The following ADCY8 variants were observed in gnomAD, a reference collection of about 807,000 sequenced individuals.
ADCY8 encodes the protein adenylate cyclase 8, also known as adenylate cyclase type 8.
A neutral mutation model predicts 119.7 loss-of-function variants in ADCY8; 51 were observed. That is an observed-to-expected ratio of 0.43 (90% CI 0.34 to 0.54). The LOEUF is 0.54. ADCY8 is among the 20% of genes least tolerant of loss of function. ADCY8 has a pLI of 0.03. For synonymous variants in ADCY8, 665 were observed against 651.0 expected (o/e 1.02, Z -0.33); for missense variants, 1,383 against 1,598.8 (o/e 0.87, Z 2.30).
chr8:130,839,497 G>T lies in ADCY8; in HGVS notation c.2503-3048C>A, dbSNP rs187346603. ...GCTTTTTATACCTTGAGTGAATAGTGGGGGGTGGGACCAGGAAATGGGAGA... is the reference window on the plus strand; with the variant it reads ...GCTTTTTATACCTTGAGTGAATAGTTGGGGGTGGGACCAGGAAATGGGAGA... On this transcript the variant is annotated intron_variant, in intron 11 of 17. Coordinates refer to ENST00000286355, the MANE Select transcript of ADCY8 (RefSeq NM_001115.3). Among the ~76,000 whole-genome samples the T allele has an allele frequency of 7.1e-5, 10 of 139,892 alleles. 3 individuals are homozygous for T. The highest frequency in any genetic ancestry group is 3.5e-3 in the Middle Eastern group (1 of 282). The allele number at this position is 139,892 out of a possible 152,430, so 91.8% of individuals were successfully genotyped here.
chr8:130,967,200 C>T (rs1369550742), intron 2 of ADCY8, among the ~76,000 whole-genome samples: 1 of 152,198 alleles, frequency 6.6e-6, no homozygotes, highest in Admixed American at 6.5e-5. Context: ...GAAGCTGTTG[C>T]TTAATTGGCT....
intron 9 of ADCY8, among the ~76,000 whole-genome samples, chr8:130,853,106 G>A (rs1296689465): frequency 6.6e-6 from 1 of 152,214 alleles, no homozygotes; most frequent in East Asian, 1.9e-4. Flanking sequence ...GTGCTCAGTG[G>A]ACCTCATTTT....
intron 5 of ADCY8, among the ~76,000 whole-genome samples, chr8:130,932,874 T>G (rs1254400879): frequency 1.3e-5 from 2 of 152,178 alleles, no homozygotes. Context: ...CTATCACATG[T>G]TTGGAATGAT....
At chr8:130,985,539 G>C (rs932586402) in intron 2 of ADCY8, among the ~76,000 whole-genome samples, 1 of 152,196 alleles carries the variant, frequency 6.6e-6, no homozygotes, top group Non-Finnish European at 1.5e-5. Context: ...TGACTTGGAA[G>C]TAAGAGGTTT....
At chr8:131,013,991 C>T (rs1354329569) in intron 1 of ADCY8, among the ~76,000 whole-genome samples, 1 of 152,116 alleles carries the variant, frequency 6.6e-6, no homozygotes, top group Non-Finnish European at 1.5e-5. Context: ...TTGTTAAGTA[C>T]AAATTGAGTA....
At chr8:131,039,035 C>T (rs1824259266) in intron 1 of ADCY8, among the ~76,000 whole-genome samples, 1 of 152,182 alleles carries the variant, frequency 6.6e-6, no homozygotes, top group South Asian at 2.1e-4. Flanking sequence ...AATCTGGATG[C>T]TTCTCCTCCC....
intron 2 of ADCY8, among the ~76,000 whole-genome samples, chr8:130,984,479 GTTTT>G (rs34093565): frequency 2.8e-5 from 4 of 145,306 alleles, no homozygotes; most frequent in African/African-American, 1.0e-4. Context: ...AGTTTGTTTA[GTTTT>G]TTTTTTTTTT....
chr8:130,853,957 A>G (rs563143896), intron 9 of ADCY8, among the ~76,000 whole-genome samples: 1 of 152,212 alleles, frequency 6.6e-6, no homozygotes, highest in Non-Finnish European at 1.5e-5. Flanking sequence ...ATAAAGTAGT[A>G]TAATAAAAAT....
chr8:130,860,031 T>TTTG (rs919033257), intron 9 of ADCY8, among the ~76,000 whole-genome samples: 3 of 152,152 alleles, frequency 2.0e-5, no homozygotes, highest in Admixed American at 6.6e-5. Context: ...CCACAGAGTT[T>TTTG]TTGTTGTTGT....
At chr8:130,906,865 G>A (rs547700793) in intron 6 of ADCY8, among the ~76,000 whole-genome samples, 47 of 151,424 alleles carry the variant, frequency 3.1e-4, no homozygotes, top group African/African-American at 8.3e-4. Flanking sequence ...TATAATTTCC[G>A]TTCTTTCAAC....
At chr8:130,912,310 C>T (rs148838827) in intron 5 of ADCY8, among the ~76,000 whole-genome samples, 38 of 152,250 alleles carry the variant, frequency 2.5e-4, no homozygotes, top group Admixed American at 4.6e-4. Flanking sequence ...GTATCTGGCA[C>T]GTGGTTAACA....
chr8:130,990,686 C>T (rs922878702), intron 1 of ADCY8, 144 bp from the exon 2 acceptor site: 46 of 1,020,798 alleles, frequency 4.5e-5, no homozygotes, highest in Non-Finnish European at 5.7e-5. Context: ...GAGCTATGCC[C>T]TTCATTCAGA....
At chr8:130,820,501 C>A (rs866326368) in intron 13 of ADCY8, among the ~76,000 whole-genome samples, 1 of 152,216 alleles carries the variant, frequency 6.6e-6, no homozygotes, top group African/African-American at 2.4e-5. Context: ...AAGCGACGAA[C>A]GTTCATGGGT....
intron 2 of ADCY8, among the ~76,000 whole-genome samples, chr8:130,957,890 T>C (rs1035924145): frequency 6.6e-6 from 1 of 152,236 alleles, no homozygotes; most frequent in South Asian, 2.1e-4. Context: ...AGAAGATGTA[T>C]GGAAATACCT....
Position 131,040,520 on chromosome 8 carries a change from G to T in ADCY8, c.-187C>A. On this transcript the variant is annotated 5_prime_UTR_variant, in exon 1 of 18. Transcript: ENST00000286355. Reference sequence around the variant, plus strand: ...GTCATACTGTGCCCAGGGGCAAAGGGCACCTGGAAGATCGCGGCGGACCTC... The same window carrying T: ...GTCATACTGTGCCCAGGGGCAAAGGTCACCTGGAAGATCGCGGCGGACCTC... 1 of 571,486 alleles carries T rather than the reference G, an allele frequency of 1.7e-6. No individual in the cohort carries two copies. The highest frequency in any genetic ancestry group is 2.6e-6 in the Non-Finnish European group (1 of 381,176). 35.4% of individuals were successfully genotyped at this position (571,486 alleles called of 1,614,324 possible).
intron 7 of ADCY8, among the ~76,000 whole-genome samples, chr8:130,890,361 A>G (rs535027239): frequency 6.6e-6 from 1 of 152,230 alleles, no homozygotes; most frequent in Admixed American, 6.5e-5. Context: ...AAAACATAAA[A>G]CTAAAAATAA....
chr8:130,875,047 C>T (rs939354656), intron 8 of ADCY8, among the ~76,000 whole-genome samples: 3 of 152,164 alleles, frequency 2.0e-5, no homozygotes, highest in South Asian at 2.1e-4. Context: ...GAAATTGGCA[C>T]TTCTGACTCT....
chr8:130,899,986 C>T (rs1312052251), intron 7 of ADCY8, among the ~76,000 whole-genome samples: 3 of 152,158 alleles, frequency 2.0e-5, no homozygotes, highest in African/African-American at 7.2e-5. Flanking sequence ...TTCCAATAGT[C>T]CACCTGTGAT....
chr8:130,799,084 G>A (rs530158428), intron 15 of ADCY8, among the ~76,000 whole-genome samples: 67 of 152,194 alleles, frequency 4.4e-4, no homozygotes, highest in Admixed American at 2.8e-3. Flanking sequence ...ATCTAAAAAC[G>A]TCAAACTCAG....
Sources: gnomAD v4.1 joint callset for allele counts (sites outside exome capture counted in the v4.1 genomes callset) on GRCh38, gnomAD v4.1.1 for gene constraint, MANE v1.5 for transcripts, NCBI Gene and HGNC (gene_info 2026-07-23, HGNC 2026-07-21) for gene names.